Variants in DLG2 observed in about 807,000 individuals in gnomAD.
The protein encoded by DLG2 is disks large homolog 2.
DLG2 carries 45 observed loss-of-function variants against 132.5 expected under a neutral mutation model. The ratio of observed to expected loss-of-function variants is 0.34; its 90% confidence interval spans 0.27 to 0.44. The LOEUF is 0.44. Ranked by LOEUF, DLG2 falls within the 20% of genes least tolerant of loss-of-function variation. The probability of loss-of-function intolerance (pLI) is 1.00; values close to 1 mark genes in which losing one functional copy is unlikely to be tolerated. For missense variants in DLG2, 1,045 were observed against 1,196.9 expected (o/e 0.87, Z 1.87); for synonymous variants, 424 against 419.6 (o/e 1.01, Z -0.13).
intron 5 of DLG2, among the ~76,000 whole-genome samples, chr11:85,136,724 T>C (rs2076165113): frequency 6.6e-6 from 1 of 151,784 alleles, no homozygotes; most frequent in Non-Finnish European, 1.5e-5. Context: ...TTATTACTTT[T>C]ATTTTGTTTG....
intron 3 of DLG2, among the ~76,000 whole-genome samples, chr11:85,550,182 A>C (rs2076579782): frequency 6.6e-6 from 1 of 152,248 alleles, no homozygotes; most frequent in South Asian, 2.1e-4. Flanking sequence ...CTCAGGAGCC[A>C]CAAGTATGAT....
At chr11:83,512,475 C>A (rs1051684766) in intron 21 of DLG2, among the ~76,000 whole-genome samples, 2 of 152,160 alleles carry the variant, frequency 1.3e-5, no homozygotes, top group Non-Finnish European at 2.9e-5. Flanking sequence ...ATTCTTTCAT[C>A]ATTTAACCAG....
intron 3 of DLG2, among the ~76,000 whole-genome samples, chr11:85,595,013 C>T (rs1342762910): frequency 6.9e-6 from 1 of 145,568 alleles, no homozygotes; most frequent in African/African-American, 2.6e-5. Flanking sequence ...TGCAGTGAGC[C>T]GATATCGCAC....
Position 84,784,143 on chromosome 11 carries a change from C to CAAAAAAAAAA in DLG2, c.358-249422_358-249413dup, listed in dbSNP as rs59301159. ...TGAAACCCCATCTCTACTAAAAATG[C>CAAAAAAAAAA]AAAAAAAAAAAAAAAAAAAAAAAAA... On this transcript the variant is annotated intron_variant, in intron 6 of 27. Coordinates refer to ENST00000376104, the MANE Select transcript of DLG2 (RefSeq NM_001142699.3). Among the ~76,000 whole-genome samples, 20 of 8,656 alleles carry CAAAAAAAAAA rather than the reference C, an allele frequency of 2.3e-3. 6 individuals are homozygous for CAAAAAAAAAA. The highest frequency in any genetic ancestry group is 1.9e-3 in the Non-Finnish European group (10 of 5,216). The allele number at this position is 8,656 out of a possible 152,430, so 5.7% of individuals were successfully genotyped here. A position where few individuals can be genotyped will look rare whatever the true frequency, so the allele number is the denominator to read the frequency against.
intron 8 of DLG2, among the ~76,000 whole-genome samples, chr11:84,203,506 C>T (rs985000257): frequency 3.5e-5 from 5 of 141,570 alleles, no homozygotes; most frequent in South Asian, 2.2e-4. Context: ...GGCGTGAACC[C>T]GGGAGGCGGA....
At chr11:84,648,545 A>T (rs2099677585) in intron 6 of DLG2, among the ~76,000 whole-genome samples, 1 of 152,078 alleles carries the variant, frequency 6.6e-6, no homozygotes, top group Admixed American at 6.6e-5. Context: ...TTGAAATTTG[A>T]TACCCAATGT....
At chr11:85,506,097 G>C (rs1385607440) in intron 3 of DLG2, among the ~76,000 whole-genome samples, 1 of 152,074 alleles carries the variant, frequency 6.6e-6, no homozygotes, top group Non-Finnish European at 1.5e-5. Context: ...GTGTCTATTT[G>C]ATTTTTCTCT....
intron 6 of DLG2, among the ~76,000 whole-genome samples, chr11:84,900,732 C>T (rs1371550759): frequency 6.6e-6 from 1 of 152,006 alleles, no homozygotes; most frequent in Non-Finnish European, 1.5e-5. Flanking sequence ...ACTTTTCACA[C>T]ATTTAAAAAT....
At position 84,912,210 on chromosome 11, in the gene DLG2, C is replaced by T. The variant is rs575351599; in HGVS notation, c.357+199451G>A. Among the ~76,000 whole-genome samples the T allele has an allele frequency of 3.9e-5, 6 of 152,314 alleles. No individual in the cohort carries two copies. In the East Asian group the frequency reaches 7.7e-4, roughly 20 times the overall value. ...TGTCGCCCAGGCTGGAGCACAGCGG[C>T]GCGATCTCGATCTCGGCTCACTGCA... On this transcript the variant is annotated intron_variant, in intron 6 of 27. Transcript: ENST00000376104.
chr11:84,642,846 C>T (rs1594700259), intron 6 of DLG2, among the ~76,000 whole-genome samples: 1 of 151,774 alleles, frequency 6.6e-6, no homozygotes, highest in South Asian at 2.1e-4. Flanking sequence ...AAGACAAAGT[C>T]TTTTATTTTT....
At chr11:84,249,433 T>C (rs1162458777) in intron 8 of DLG2, among the ~76,000 whole-genome samples, 2 of 152,188 alleles carry the variant, frequency 1.3e-5, no homozygotes, top group African/African-American at 4.8e-5. Context: ...AGAAATTAAA[T>C]AAGACTTCTA....
At chr11:83,713,980 A>T (rs955085770) in intron 18 of DLG2, among the ~76,000 whole-genome samples, 4 of 152,184 alleles carry the variant, frequency 2.6e-5, no homozygotes, top group Non-Finnish European at 5.9e-5. Flanking sequence ...GAAGTAAGTG[A>T]AGTTGCCAGA....
At chr11:83,506,965 A>G (rs2094735396) in intron 21 of DLG2, among the ~76,000 whole-genome samples, 1 of 152,134 alleles carries the variant, frequency 6.6e-6, no homozygotes, top group Non-Finnish European at 1.5e-5. Context: ...CAATCTTAGC[A>G]ATCTGAGGCT....
At chr11:84,735,583 A>T (rs767834649) in intron 6 of DLG2, among the ~76,000 whole-genome samples, 7 of 152,066 alleles carry the variant, frequency 4.6e-5, no homozygotes, top group Non-Finnish European at 1.0e-4. Flanking sequence ...TTTTCAAAAA[A>T]CCAGCTCCTG....
At chr11:83,769,242 A>T (rs2153786192) in intron 18 of DLG2, among the ~76,000 whole-genome samples, 1 of 152,314 alleles carries the variant, frequency 6.6e-6, no homozygotes, top group Admixed American at 6.5e-5. Context: ...TTTAAGGACT[A>T]GCCATCAGCT....
At chr11:85,471,383 A>C (rs541326687) in intron 3 of DLG2, among the ~76,000 whole-genome samples, 1 of 152,230 alleles carries the variant, frequency 6.6e-6, no homozygotes, top group Non-Finnish European at 1.5e-5. Context: ...CGACCTATCA[A>C]ATGGAAGGAT....
intron 6 of DLG2, among the ~76,000 whole-genome samples, chr11:84,688,605 T>C (rs768929752): frequency 6.6e-6 from 1 of 152,160 alleles, no homozygotes; most frequent in African/African-American, 2.4e-5. Context: ...TGAGCTAAAG[T>C]AGCAAATGTT....
intron 7 of DLG2, among the ~76,000 whole-genome samples, chr11:84,406,918 C>G (rs1426697259): frequency 1.3e-5 from 2 of 152,158 alleles, no homozygotes; most frequent in Admixed American, 6.5e-5. Flanking sequence ...GAAAAGGAGA[C>G]TGTCAGTCAG....
chr11:83,694,346 T>A (rs2081505398), intron 18 of DLG2, among the ~76,000 whole-genome samples: 1 of 152,126 alleles, frequency 6.6e-6, no homozygotes, highest in African/African-American at 2.4e-5. Flanking sequence ...CCTAAGAGAA[T>A]AATGAAACAG....
Sources: gnomAD v4.1 joint callset for allele counts (sites outside exome capture counted in the v4.1 genomes callset) on GRCh38, gnomAD v4.1.1 for gene constraint, MANE v1.5 for transcripts, NCBI Gene and HGNC (gene_info 2026-07-23, HGNC 2026-07-21) for gene names.